Variants in CAPN13 observed in about 807,000 individuals in gnomAD.
The protein encoded by CAPN13 is calpain-13.
Under a neutral mutation model 98.4 loss-of-function variants are expected in CAPN13, and 90 were observed. The ratio of observed to expected loss-of-function variants is 0.92; its 90% CI spans 0.77 to 1.09. The LOEUF is 1.09. Ranked by LOEUF, CAPN13 falls within the 50% of genes least tolerant of loss-of-function variation. CAPN13 has a pLI of 0.00. For missense variants in CAPN13, 887 were observed against 841.3 expected (o/e 1.05, Z -0.67); for synonymous variants, 330 against 305.5 (o/e 1.08, Z -0.84).
At chr2:30,732,317 G>T in intron 20 of CAPN13, 121 bp downstream of exon 20, 1 of 1,288,864 alleles carries the variant, frequency 7.8e-7, no homozygotes. Flanking sequence ...CACACAGGCT[G>T]CTGGCCCACC....
chr2:30,750,373 G>A (rs1041246977), intron 11 of CAPN13, among the ~76,000 whole-genome samples: 1 of 151,926 alleles, frequency 6.6e-6, no homozygotes, highest in African/African-American at 2.4e-5. Context: ...TTAATACCTG[G>A]GTAATGAAAT....
At chr2:30,776,269 T>C (rs1673687891) in intron 3 of CAPN13, among the ~76,000 whole-genome samples, 1 of 152,200 alleles carries the variant, frequency 6.6e-6, no homozygotes, top group Non-Finnish European at 1.5e-5. Context: ...TCTCGCTCTG[T>C]AGCCCAGGCT....
intron 1 of CAPN13, among the ~76,000 whole-genome samples, chr2:30,800,186 AAG>A (rs1491056422): frequency 1.3e-5 from 2 of 150,554 alleles, no homozygotes; most frequent in African/African-American, 2.5e-5. Flanking sequence ...GAAAGAAAGA[AAG>A]AAAACTACGT....
At chr2:30,750,828 G>A (rs1459614550) in intron 11 of CAPN13, among the ~76,000 whole-genome samples, 1 of 152,198 alleles carries the variant, frequency 6.6e-6, no homozygotes, top group Non-Finnish European at 1.5e-5. Context: ...CACTTTTTGA[G>A]TAGCAAGCAT....
At chr2:30,755,657 A>T (rs933386947) in intron 8 of CAPN13, among the ~76,000 whole-genome samples, 2 of 152,088 alleles carry the variant, frequency 1.3e-5, no homozygotes, top group Admixed American at 1.3e-4. Context: ...AAGCTCAATG[A>T]GACCTTTCTC....
intron 7 of CAPN13, 59 bp downstream of exon 7, chr2:30,763,023 A>C: frequency 7.2e-7 from 1 of 1,396,838 alleles, no homozygotes; most frequent in Non-Finnish European, 9.9e-7. Context: ...TATTGAGAGG[A>C]ACAAGAACAC....
chr2:30,804,386 A>G (rs7597903), intron 1 of CAPN13, among the ~76,000 whole-genome samples: 90,697 of 152,010 alleles, frequency 0.6, 27,642 homozygotes, highest in African/African-American at 0.72. Context: ...TATTTTTAGT[A>G]GAGACAGAGT....
rs1670746801 is a variant in CAPN13 at position 30,723,077 on chromosome 2, A to C, written c.*190T>G. 1 of 152,236 alleles carries C rather than the reference A, an allele frequency of 6.6e-6. No individual in the cohort carries two copies. Among genetic ancestry groups the C allele is most frequent in the African/African-American group, 2.4e-5 (1 of 41,458 alleles). 9.4% of individuals were successfully genotyped at this position (152,236 alleles called of 1,614,324 possible). A position where few individuals can be genotyped will look rare whatever the true frequency, so the allele number is the denominator to read the frequency against. ...GAGCTGCTTGGTGGCCACAGGCTTA[A>C]CTGGGCCTGGGCCAGCCAAGGACCG... On this transcript the variant is annotated 3_prime_UTR_variant, in exon 23 of 23. Coordinates refer to ENST00000295055, the MANE Select transcript of CAPN13 (RefSeq NM_144575.3).
intron 10 of CAPN13, 149 bp downstream of exon 10, chr2:30,752,904 G>T: frequency 2.4e-6 from 2 of 829,860 alleles, no homozygotes; most frequent in Non-Finnish European, 3.9e-6. Flanking sequence ...AGGAGCAGTC[G>T]CTGTCTCTTC....
At chr2:30,738,509 G>C in intron 15 of CAPN13, 52 bp from the exon 16 acceptor site, 1 of 1,536,004 alleles carries the variant, frequency 6.5e-7, no homozygotes, top group Non-Finnish European at 8.9e-7. Context: ...CAGGATCTGA[G>C]AGGCACATCT....
chr2:30,801,510 C>A (rs569271966), intron 1 of CAPN13, among the ~76,000 whole-genome samples: 1 of 148,854 alleles, frequency 6.7e-6, no homozygotes, highest in Admixed American at 6.8e-5. Flanking sequence ...GAGGCTGAGG[C>A]TGGAGAATCG....
chr2:30,763,225 T>G lies in CAPN13; in HGVS notation c.700-69A>C, dbSNP rs1444080195. On this transcript the variant is annotated intron_variant, in intron 6 of 22. Coordinates refer to ENST00000295055, the MANE Select transcript of CAPN13 (RefSeq NM_144575.3). ...TCTTCAAAGAAATAGAAAAACACAG[T>G]CCAAACAGCCACTGAGCCATCTGGG... The G allele has an allele frequency of 2.1e-6, 3 of 1,414,822 alleles. No individual in the cohort carries two copies. The African/African-American group carries it at 4.2e-5, about 20-fold the overall frequency. The allele number at this position is 1,414,822 out of a possible 1,614,324, so 87.6% of individuals were successfully genotyped here.
At chr2:30,798,302 G>A (rs1022838918) in intron 1 of CAPN13, among the ~76,000 whole-genome samples, 6 of 152,230 alleles carry the variant, frequency 3.9e-5, no homozygotes, top group African/African-American at 9.6e-5. Flanking sequence ...AAGGAAGGCC[G>A]TAGCACTCTT....
At position 30,777,689 on chromosome 2, in the gene CAPN13, C is replaced by A. The variant is rs1673774155; in HGVS notation, c.199-50G>T. 3 of 1,372,840 alleles carry A rather than the reference C, an allele frequency of 2.2e-6. No homozygotes were observed. The East Asian group carries it at 7.5e-5, about 34-fold the overall frequency. 85.0% of individuals were successfully genotyped at this position (1,372,840 alleles called of 1,614,324 possible). Reference sequence around the variant, plus strand: ...ATGAACATCGTTTATTCCTTTGTATCCCAAAGCGACATCATTCACTTTGTC... The same window carrying A: ...ATGAACATCGTTTATTCCTTTGTATACCAAAGCGACATCATTCACTTTGTC... On this transcript the variant is annotated intron_variant, in intron 2 of 22. Transcript: ENST00000295055.
rs528200020 is a variant in CAPN13, at chr2:30,774,426, C to A, written c.387+1504G>T. On this transcript the variant is annotated intron_variant, in intron 4 of 22. Transcript: ENST00000295055. Reference sequence around the variant, plus strand: ...AACAGATCGACTGGATAAAGAAAAGCGGAATTAAGAAAAAAAGGAAAAGTA... The same window carrying A: ...AACAGATCGACTGGATAAAGAAAAGAGGAATTAAGAAAAAAAGGAAAAGTA... Among the ~76,000 whole-genome samples the A allele has an allele frequency of 2.6e-5, 4 of 151,728 alleles. No homozygotes were observed. In the South Asian group the frequency reaches 6.2e-4, roughly 24 times the overall value.
rs764127658 is a variant in CAPN13, at chr2:30,741,959, G to C, written c.1485C>G (p.Ser495Arg). Reference protein sequence around the residue: ...SSHFNLRMKGSPSEHGSQQSI... With the variant: ...SSHFNLRMKGRPSEHGSQQSI... The stretch of plus-strand genomic sequence containing the variant: ...TTTGTTGGGAGCCATGTTCTGAAGG[G>C]CTTCCCTGGATCAAAGGGAAAATAG... Residue 495 changes from serine to arginine, a missense_variant, in exon 15 of 23, where the codon AGC (serine) becomes AGG (arginine). Ser to Arg is a moderately radical substitution (Grantham distance 110). Transcript: ENST00000295055. 7 of 1,613,714 alleles carry C rather than the reference G, an allele frequency of 4.3e-6. No homozygotes were observed. The highest frequency in any genetic ancestry group is 2.2e-5 in the South Asian group (2 of 91,084).
intron 1 of CAPN13, among the ~76,000 whole-genome samples, chr2:30,790,485 T>C (rs1674544823): frequency 6.6e-6 from 1 of 152,124 alleles, no homozygotes; most frequent in Non-Finnish European, 1.5e-5. Context: ...TGTAAGAAGC[T>C]TGTGTGAGCT....
Position 30,770,428 on chromosome 2 carries a change from C to A in CAPN13, c.409G>T (p.Val137Leu), listed in dbSNP as rs1426303657. Residue 137 changes from valine to leucine, a missense_variant, in exon 5 of 23, where the codon GTG becomes TTG. Physicochemically the swap from Val to Leu is conservative, Grantham distance 32. Coordinates refer to ENST00000295055, the MANE Select transcript of CAPN13 (RefSeq NM_144575.3). The part of the protein sequence containing the change: ...RFRFWQCGQW[V>L]EVVIDDRLPV... ...AGGCGGTCATCAATCACCACTTCCA[C>A]CCACTGGCCACATTGCCAGAACTGG... 6.2e-7 allele frequency: 1 copy of A among 1,614,004 alleles called. No individual in the cohort carries two copies. Among genetic ancestry groups the A allele is most frequent in the Non-Finnish European group, 8.5e-7 (1 of 1,179,866 alleles).
intron 12 of CAPN13, 48 bp from the exon 13 acceptor site, chr2:30,743,627 A>C (rs756941574): frequency 1.9e-6 from 3 of 1,565,630 alleles, no homozygotes; most frequent in Non-Finnish European, 2.6e-6. Flanking sequence ...TCCTCTGTGC[A>C]TGGACCCCAG....
Sources: gnomAD v4.1 joint callset for allele counts (sites outside exome capture counted in the v4.1 genomes callset) on GRCh38, gnomAD v4.1.1 for gene constraint, MANE v1.5 for transcripts, NCBI Gene and HGNC (gene_info 2026-07-23, HGNC 2026-07-21) for gene names.